ZNF236: variants seen among roughly 807,000 people sequenced by gnomAD.
ZNF236 encodes zinc finger protein 236.
A neutral mutation model predicts 191.2 loss-of-function variants in ZNF236; 50 were observed. The ratio of observed to expected loss-of-function variants is 0.26; its 90% CI spans 0.21 to 0.33. ZNF236 has a LOEUF of 0.33. Ranked by LOEUF, ZNF236 falls within the 10% of genes least tolerant of loss-of-function variation. ZNF236 has a pLI of 1.00. For missense variants in ZNF236, 1,754 were observed against 2,374.5 expected, an observed-to-expected ratio of 0.74 and a Z score of 5.43; for synonymous variants, 907 against 928.8, an observed-to-expected ratio of 0.98 and a Z score of 0.43.
At chr18:76,918,592 T>G (rs762999150) in intron 19 of ZNF236, among the ~76,000 whole-genome samples, 10 of 152,170 alleles carry the variant, frequency 6.6e-5, no homozygotes, top group Non-Finnish European at 1.5e-4. Flanking sequence ...CTGGCTGATT[T>G]AAAAAAATTT....
At chr18:76,906,978 C>T (rs1055121512) in intron 13 of ZNF236, among the ~76,000 whole-genome samples, 2 of 152,052 alleles carry the variant, frequency 1.3e-5, no homozygotes, top group African/African-American at 2.4e-5. Context: ...AACAAAGAAC[C>T]AAGGAAACAA....
chr18:76,910,561 A>G (rs1384658793), intron 15 of ZNF236, 99 bp from the exon 16 acceptor site: 1 of 1,185,142 alleles, frequency 8.4e-7, no homozygotes, highest in African/African-American at 1.5e-5. Context: ...GAAAATAGAA[A>G]TGCCCCTTTA....
intron 1 of ZNF236, among the ~76,000 whole-genome samples, chr18:76,837,442 T>TC (rs1185918894): frequency 5.6e-5 from 8 of 142,708 alleles, no homozygotes; most frequent in South Asian, 4.5e-4. Flanking sequence ...TTTTTCTTTT[T>TC]TTTTTTTTTT....
intron 30 of ZNF236, among the ~76,000 whole-genome samples, chr18:76,966,356 C>CAG (rs1291783269): frequency 6.6e-6 from 1 of 151,960 alleles, no homozygotes; most frequent in African/African-American, 2.4e-5. Context: ...CACACACACA[C>CAG]AGAGACACAC....
rs1968838541 is a variant in ZNF236 at position 76,968,414 on chromosome 18, G to A, written c.*75G>A. 4 of 1,537,786 alleles carry A rather than the reference G, an allele frequency of 2.6e-6. No homozygotes were observed. Among genetic ancestry groups the A allele is most frequent in the Admixed American group, 2.4e-5 (1 of 40,994 alleles). ...GAAGAGCAAAGCACTTGGAATCTCC[G>A]TTTTAAAGCTTCAAGTGTTAAAAAT... On this transcript the variant is annotated 3_prime_UTR_variant, in exon 31 of 31. Transcript: ENST00000320610.
intron 3 of ZNF236, among the ~76,000 whole-genome samples, chr18:76,859,903 C>T (rs1295083043): frequency 6.6e-6 from 1 of 152,144 alleles, no homozygotes; most frequent in Non-Finnish European, 1.5e-5. Flanking sequence ...CATGGGGTGC[C>T]TATTTTGGGA....
intron 13 of ZNF236, among the ~76,000 whole-genome samples, chr18:76,906,679 G>A (rs1977751456): frequency 6.6e-6 from 1 of 152,160 alleles, no homozygotes; most frequent in African/African-American, 2.4e-5. Flanking sequence ...GTAATTGCGG[G>A]GTCACCTTTA....
rs201911384 is a variant in ZNF236, at chr18:76,891,383, GT to G, written c.1418-3620del. On this transcript the variant is annotated intron_variant, in intron 9 of 30. Transcript: ENST00000320610. ...ATATCTGACTTTTATAATTTAATAGGTTTTTTTTTTCGAGACAGGGTCTCTG... is the reference window on the plus strand; with the variant it reads ...ATATCTGACTTTTATAATTTAATAGGTTTTTTTTTCGAGACAGGGTCTCTG... Among the ~76,000 whole-genome samples, 36 of 149,546 alleles carry G rather than the reference GT, an allele frequency of 2.4e-4. No individual in the cohort carries two copies. In the South Asian group the frequency reaches 5.1e-3, roughly 21 times the overall value.
intron 3 of ZNF236, among the ~76,000 whole-genome samples, chr18:76,864,399 C>T (rs1205314763): frequency 6.6e-6 from 1 of 151,872 alleles, no homozygotes; most frequent in African/African-American, 2.4e-5. Flanking sequence ...GGCGTTTCAC[C>T]TTGTTGGCCA....
At chr18:76,883,979 C>T (rs1292572339) in intron 9 of ZNF236, among the ~76,000 whole-genome samples, 1 of 152,184 alleles carries the variant, frequency 6.6e-6, no homozygotes, top group Non-Finnish European at 1.5e-5. Context: ...GATTTATTCA[C>T]TTTTATCAGA....
At position 76,947,214 on chromosome 18, in the gene ZNF236, A is replaced by C. The variant is rs372880448; in HGVS notation, c.4783-307A>C. 1.6e-4 allele frequency among the ~76,000 whole-genome samples: 25 copies of C among 152,148 alleles called. 1 individual carries two copies. Among genetic ancestry groups the C allele is most frequent in the African/African-American group, 5.8e-4 (24 of 41,444 alleles). On this transcript the variant is annotated intron_variant, in intron 26 of 30. Transcript: ENST00000320610. ...TCCTCCATGCTGTAGCATGTACCAG[A>C]ACTTTGTACCTTCTTATTACTGAAC...
rs1967743905 is a variant in ZNF236 at position 76,927,740 on chromosome 18, C to T, written c.4415-187C>T. Among the ~76,000 whole-genome samples the T allele has an allele frequency of 6.6e-6, 1 of 152,172 alleles. No homozygotes were observed. Among genetic ancestry groups the T allele is most frequent in the Admixed American group, 6.5e-5 (1 of 15,280 alleles). Reference sequence around the variant, plus strand: ...ACCTTCATTTAATTACTCTTTTCATCCTGGCTTCATTTCCTCACAAGGCTT... The same window carrying T: ...ACCTTCATTTAATTACTCTTTTCATTCTGGCTTCATTTCCTCACAAGGCTT... On this transcript the variant is annotated intron_variant, in intron 24 of 30. Coordinates refer to ENST00000320610, the MANE Select transcript of ZNF236 (RefSeq NM_001306089.2). The surrounding 1 kb of genome is among the most constrained non-coding windows in gnomAD (Gnocchi z 5.4).
intron 1 of ZNF236, among the ~76,000 whole-genome samples, chr18:76,848,434 T>C (rs1568193670): frequency 6.6e-6 from 1 of 152,262 alleles, no homozygotes. Context: ...ATATTTATTT[T>C]TAAAAATTGT....
At chr18:76,934,213 C>T (rs8085503) in intron 25 of ZNF236, among the ~76,000 whole-genome samples, 9,786 of 152,174 alleles carry the variant, frequency 0.064, 1,021 homozygotes, top group African/African-American at 0.22. Flanking sequence ...TGAATCCAGG[C>T]GAGACAATTA....
intron 3 of ZNF236, among the ~76,000 whole-genome samples, chr18:76,856,138 C>G (rs1976033963): frequency 6.6e-6 from 1 of 151,864 alleles, no homozygotes; most frequent in Admixed American, 6.6e-5. Flanking sequence ...AACTCCTGGT[C>G]TCAAGTAGTG....
chr18:76,889,043 G>T (rs890601583), intron 9 of ZNF236, among the ~76,000 whole-genome samples: 1 of 152,158 alleles, frequency 6.6e-6, no homozygotes, highest in Non-Finnish European at 1.5e-5. Flanking sequence ...ATTTAGCCCT[G>T]CCTGCACTTC....
chr18:76,834,810 T>C, intron 1 of ZNF236: 1 of 472,438 alleles, frequency 2.1e-6, no homozygotes, highest in Non-Finnish European at 4.2e-6. Flanking sequence ...AAAATCTTCC[T>C]GCGAATGTGG....
intron 27 of ZNF236, among the ~76,000 whole-genome samples, chr18:76,953,880 C>T (rs1022979411): frequency 2.0e-5 from 3 of 152,184 alleles, no homozygotes; most frequent in African/African-American, 7.2e-5. Context: ...GGCCGCTTTC[C>T]TCCTTCTGCT....
chr18:76,848,086 C>T (rs1164608434), intron 1 of ZNF236, among the ~76,000 whole-genome samples: 2 of 152,156 alleles, frequency 1.3e-5, no homozygotes, highest in African/African-American at 4.8e-5. Context: ...CACCTACCTC[C>T]TGTCTTTTGG....
Sources: allele counts gnomAD v4.1 joint callset (sites outside exome capture counted in the v4.1 genomes callset), GRCh38; gene constraint gnomAD v4.1.1; non-coding constraint Gnocchi (gnomAD v3.1); transcripts MANE v1.5; gene names NCBI Gene and HGNC (gene_info 2026-07-23, HGNC 2026-07-21).